PHF21B: variants seen among roughly 807,000 people sequenced by gnomAD.
PHF21B encodes the protein PHD finger protein 4.
A neutral mutation model predicts 62.2 loss-of-function variants in PHF21B; 22 were observed. That is an observed-to-expected ratio of 0.35 (90% CI 0.25 to 0.51). PHF21B has a LOEUF of 0.51. PHF21B is among the 20% of genes least tolerant of loss of function. The pLI is 0.97. For synonymous variants in PHF21B, 341 were observed against 314.7 expected, an observed-to-expected ratio of 1.08 and a Z score of -0.88; for missense variants, 701 against 707.9, an observed-to-expected ratio of 0.99 and a Z score of 0.11.
chr22:44,999,626 C>T (rs1163547350), intron 2 of PHF21B, among the ~76,000 whole-genome samples: 4 of 152,150 alleles, frequency 2.6e-5, no homozygotes, highest in Non-Finnish European at 4.4e-5. Context: ...TGACCGTGTG[C>T]CCCGGAGTAA....
chr22:44,920,027 C>T (rs1471617878), intron 3 of PHF21B, among the ~76,000 whole-genome samples: 3 of 150,596 alleles, frequency 2.0e-5, no homozygotes, highest in Non-Finnish European at 4.5e-5. Flanking sequence ...ACTTCCTGAC[C>T]ATAACCCATA....
chr22:44,896,227 A>G, intron 5 of PHF21B, 144 bp from the exon 6 acceptor site: 2 of 825,854 alleles, frequency 2.4e-6, no homozygotes, highest in Non-Finnish European at 2.1e-6. Context: ...ATGCCAAGTC[A>G]GTTTCTAAGA....
At chr22:44,920,175 A>G (rs986852194) in intron 3 of PHF21B, among the ~76,000 whole-genome samples, 3 of 152,204 alleles carry the variant, frequency 2.0e-5, no homozygotes, top group Admixed American at 1.3e-4. Flanking sequence ...TCTGGTCATG[A>G]CCCACTAAAT....
rs780211384 is a variant in PHF21B at position 44,982,108 on chromosome 22, G to A, written c.120+26437C>T. On this transcript the variant is annotated intron_variant, in intron 2 of 12. Coordinates refer to ENST00000313237, the MANE Select transcript of PHF21B (RefSeq NM_138415.5). ...TGGGCTAGGGGGTCATGGCACACAG[G>A]TTCTCTCCTGGTTCTGCCAGGACTG... Among the ~76,000 whole-genome samples, 135 of 152,366 alleles carry A rather than the reference G, an allele frequency of 8.9e-4. 1 individual carries two copies. Among genetic ancestry groups the A allele is most frequent in the Middle Eastern group, 3.4e-3 (1 of 294 alleles).
chr22:44,946,280 T>TC (rs1399403104), intron 2 of PHF21B, among the ~76,000 whole-genome samples: 1 of 147,476 alleles, frequency 6.8e-6, no homozygotes, highest in Non-Finnish European at 1.5e-5. Context: ...CTGAGAAGCT[T>TC]CCCCTGACAC....
chr22:44,917,718 C>T (rs976049403), intron 3 of PHF21B, among the ~76,000 whole-genome samples: 10 of 152,210 alleles, frequency 6.6e-5, no homozygotes, highest in Non-Finnish European at 1.3e-4. Flanking sequence ...GGGCACAGAG[C>T]GCTGTACTGC....
intron 2 of PHF21B, among the ~76,000 whole-genome samples, chr22:44,943,019 G>C (rs2071991790): frequency 6.7e-6 from 1 of 150,020 alleles, no homozygotes; most frequent in East Asian, 2.0e-4. Context: ...ATCCTCAGAA[G>C]GGCTGACCAA....
At chr22:44,910,041 G>A (rs1264339245) in intron 5 of PHF21B, among the ~76,000 whole-genome samples, 1 of 152,186 alleles carries the variant, frequency 6.6e-6, no homozygotes, top group African/African-American at 2.4e-5. Context: ...CTAGCCTTTG[G>A]CACGGAGCCT....
chr22:45,008,314 A>T, intron 2 of PHF21B: 1 of 378,380 alleles, frequency 2.6e-6, no homozygotes, highest in Non-Finnish European at 4.7e-6. Flanking sequence ...GCTGCCTTTT[A>T]AGTGAGCTCC....
chr22:44,925,651 C>T (rs1239255015), intron 2 of PHF21B, among the ~76,000 whole-genome samples: 2 of 152,236 alleles, frequency 1.3e-5, no homozygotes, highest in Non-Finnish European at 2.9e-5. Flanking sequence ...TGAGGCAGCT[C>T]CCAATCCATA....
chr22:44,978,710 A>G (rs1034177500), intron 2 of PHF21B, among the ~76,000 whole-genome samples: 5 of 152,172 alleles, frequency 3.3e-5, no homozygotes, highest in African/African-American at 9.7e-5. Flanking sequence ...CATCCTCCCA[A>G]TTGTAGAATG....
rs1361214480 is a variant in PHF21B, at chr22:44,881,233, T to A, written c.*1853A>T. ...ACATTGGCGTATTTAAGACAAACAC[T>A]TTTTCTCTATCCTCACTACCCACTG... On this transcript the variant is annotated 3_prime_UTR_variant, in exon 13 of 13. Coordinates refer to ENST00000313237, the MANE Select transcript of PHF21B (RefSeq NM_138415.5). 1 of 152,616 alleles carries A rather than the reference T, an allele frequency of 6.6e-6. No homozygotes were observed. Among genetic ancestry groups the A allele is most frequent in the African/African-American group, 2.4e-5 (1 of 41,428 alleles). 9.5% of individuals were successfully genotyped at this position (152,616 alleles called of 1,614,324 possible).
At chr22:44,953,687 G>T (rs187040946) in intron 2 of PHF21B, among the ~76,000 whole-genome samples, 1 of 152,268 alleles carries the variant, frequency 6.6e-6, no homozygotes, top group African/African-American at 2.4e-5. Context: ...GTGTGTGGGT[G>T]AGCAGAATTT....
intron 2 of PHF21B, among the ~76,000 whole-genome samples, chr22:44,943,305 G>C (rs1224626259): frequency 6.6e-6 from 1 of 152,174 alleles, no homozygotes. Flanking sequence ...AGAAGCACAG[G>C]GGGTTGATTA....
intron 2 of PHF21B, among the ~76,000 whole-genome samples, chr22:44,979,691 A>C (rs1244531071): frequency 6.6e-6 from 1 of 152,180 alleles, no homozygotes; most frequent in Non-Finnish European, 1.5e-5. Context: ...GTGTGCTCAG[A>C]CACTTTAAGC....
intron 2 of PHF21B, among the ~76,000 whole-genome samples, chr22:44,968,681 T>A (rs938344229): frequency 6.6e-6 from 1 of 151,156 alleles, no homozygotes; most frequent in Non-Finnish European, 1.5e-5. Context: ...GGACCATACA[T>A]GTTTTGGAAT....
intron 2 of PHF21B, among the ~76,000 whole-genome samples, chr22:44,921,081 T>C (rs2071526439): frequency 6.6e-6 from 1 of 152,218 alleles, no homozygotes; most frequent in African/African-American, 2.4e-5. Context: ...TTGGTGCATA[T>C]CTGCACTGGG....
At chr22:44,888,996 G>A (rs1441229938) in intron 9 of PHF21B, among the ~76,000 whole-genome samples, 1 of 152,198 alleles carries the variant, frequency 6.6e-6, no homozygotes, top group Non-Finnish European at 1.5e-5. Flanking sequence ...ATGGGCACAA[G>A]ATGTTTGCAG....
At chr22:44,962,971 T>C (rs769905699) in intron 2 of PHF21B, among the ~76,000 whole-genome samples, 3 of 152,210 alleles carry the variant, frequency 2.0e-5, no homozygotes, top group Non-Finnish European at 2.9e-5. Context: ...TACCTTTGCA[T>C]TACTTCATGG....
Sources: allele counts gnomAD v4.1 joint callset (sites outside exome capture counted in the v4.1 genomes callset), GRCh38; gene constraint gnomAD v4.1.1; transcripts MANE v1.5; gene names NCBI Gene and HGNC (gene_info 2026-07-23, HGNC 2026-07-21).